The following CSMD1 variants were observed in gnomAD, a reference collection of about 807,000 sequenced individuals.
CSMD1 encodes CUB and Sushi multiple domains 1.
A neutral mutation model predicts 417.5 loss-of-function variants in CSMD1; 213 were observed. That is an observed-to-expected ratio of 0.51 (90% CI 0.46 to 0.57). The LOEUF (loss-of-function observed/expected upper bound fraction) is 0.57. Among genes scored for constraint, CSMD1 ranks in the 20% least tolerant of loss-of-function variants. The pLI is 0.00. For synonymous variants in CSMD1, 2,862 were observed against 1,736.8 expected (o/e 1.65, Z -16.11); for missense variants, 6,923 against 4,529.7 (o/e 1.53, Z -15.17).
chr8:3,008,349 T>A (rs1209050546), intron 52 of CSMD1, among the ~76,000 whole-genome samples: 1 of 152,178 alleles, frequency 6.6e-6, no homozygotes, highest in African/African-American at 2.4e-5. Context: ...ACTCACTCCA[T>A]TATCACCCGC....
chr8:3,579,081 C>A (rs940655243), intron 9 of CSMD1, among the ~76,000 whole-genome samples: 1 of 152,206 alleles, frequency 6.6e-6, no homozygotes, highest in African/African-American at 2.4e-5. Context: ...ACCTAATGTA[C>A]ACCTGATGTT....
intron 4 of CSMD1, among the ~76,000 whole-genome samples, chr8:4,016,365 C>T (rs1224232937): frequency 2.0e-5 from 3 of 152,106 alleles, no homozygotes; most frequent in African/African-American, 7.2e-5. Flanking sequence ...TCTCCTCTTG[C>T]CTGAATTGGC....
At chr8:4,165,556 C>G (rs1397824945) in intron 3 of CSMD1, among the ~76,000 whole-genome samples, 1 of 152,138 alleles carries the variant, frequency 6.6e-6, no homozygotes, top group Non-Finnish European at 1.5e-5. Context: ...GGTGCACCAC[C>G]ATGCCCAGCT....
chr8:4,087,968 G>C (rs1042575645), intron 3 of CSMD1, among the ~76,000 whole-genome samples: 2 of 152,104 alleles, frequency 1.3e-5, no homozygotes, highest in African/African-American at 2.4e-5. Flanking sequence ...GTATCCAAGA[G>C]AAAAGCTCAC....
intron 12 of CSMD1, among the ~76,000 whole-genome samples, chr8:3,467,749 T>C (rs926351577): frequency 6.6e-6 from 1 of 152,188 alleles, no homozygotes; most frequent in East Asian, 1.9e-4. Flanking sequence ...CATGGACTCA[T>C]GACAATGTCC....
At chr8:4,108,517 G>C (rs931316856) in intron 3 of CSMD1, among the ~76,000 whole-genome samples, 3 of 152,122 alleles carry the variant, frequency 2.0e-5, no homozygotes, top group Non-Finnish European at 4.4e-5. Context: ...GTTTTAATTT[G>C]ATAATTTATT....
intron 12 of CSMD1, among the ~76,000 whole-genome samples, chr8:3,462,924 G>A (rs1354561757): frequency 3.3e-5 from 5 of 152,146 alleles, no homozygotes; most frequent in African/African-American, 1.2e-4. Flanking sequence ...TGATGAGGGT[G>A]GAGCCCCTGT....
chr8:3,494,501 T>C (rs540198688), intron 10 of CSMD1, among the ~76,000 whole-genome samples: 24 of 152,076 alleles, frequency 1.6e-4, no homozygotes, highest in Non-Finnish European at 2.8e-4. Context: ...GAATGATAGA[T>C]AGATGATAGA....
At position 3,351,711 on chromosome 8, in the gene CSMD1, GAAACA is replaced by G. The variant is rs562272897; in HGVS notation, c.3305-3555_3305-3551del. Among the ~76,000 whole-genome samples the G allele has an allele frequency of 3.5e-3, 518 of 147,688 alleles. 3 individuals are homozygous for G. The highest frequency in any genetic ancestry group is 0.012 in the African/African-American group (502 of 40,588). ...AATGATATACGAATAATTGTATATA[GAAACA>G]AAAATCAAATATATATTTAATATGT... On this transcript the variant is annotated intron_variant, in intron 21 of 69. Coordinates refer to ENST00000635120, the MANE Select transcript of CSMD1 (RefSeq NM_033225.6).
intron 2 of CSMD1, among the ~76,000 whole-genome samples, chr8:4,545,014 C>A (rs1797568642): frequency 6.6e-6 from 1 of 152,182 alleles, no homozygotes; most frequent in African/African-American, 2.4e-5. Context: ...ATTTATCACG[C>A]ACGTATCTGA....
intron 7 of CSMD1, among the ~76,000 whole-genome samples, chr8:3,646,765 T>G (rs2117353441): frequency 6.6e-6 from 1 of 152,248 alleles, no homozygotes; most frequent in Admixed American, 6.5e-5. Flanking sequence ...TTTTCATGGA[T>G]AACCACCAGG....
At chr8:4,494,976 T>C (rs549746818) in intron 2 of CSMD1, among the ~76,000 whole-genome samples, 13 of 150,042 alleles carry the variant, frequency 8.7e-5, no homozygotes, top group Non-Finnish European at 1.5e-4. Flanking sequence ...GTGGAGAAAA[T>C]AAAGAAAAGA....
At chr8:3,161,643 A>C (rs1213554813) in intron 38 of CSMD1, among the ~76,000 whole-genome samples, 2 of 151,792 alleles carry the variant, frequency 1.3e-5, no homozygotes, top group African/African-American at 2.4e-5. Flanking sequence ...AAAAAAAAAA[A>C]AACCCTCTTT....
chr8:3,771,687 C>G lies in CSMD1; in HGVS notation c.819-17645G>C, dbSNP rs528025562. On this transcript the variant is annotated intron_variant, in intron 5 of 69. Coordinates refer to ENST00000635120, the MANE Select transcript of CSMD1 (RefSeq NM_033225.6). ...ACACAGGAGGAAGAGAACGGAGAGG[C>G]CCCTAAAGACCTCGAGGTAAAAGCA... Among the ~76,000 whole-genome samples, 345 of 152,234 alleles carry G rather than the reference C, an allele frequency of 2.3e-3. 4 individuals are homozygous for G. Among genetic ancestry groups the G allele is most frequent in the Non-Finnish European group, 1.8e-3 (121 of 68,010 alleles).
chr8:4,030,745 T>C (rs1797300343), intron 4 of CSMD1, among the ~76,000 whole-genome samples: 1 of 152,194 alleles, frequency 6.6e-6, no homozygotes, highest in African/African-American at 2.4e-5. Flanking sequence ...TTCTTTTCTA[T>C]CACATTGTCA....
intron 2 of CSMD1, among the ~76,000 whole-genome samples, chr8:4,427,679 C>G (rs1441776463): frequency 2.0e-5 from 3 of 152,040 alleles, no homozygotes; most frequent in African/African-American, 4.8e-5. Context: ...AAAATAGTAC[C>G]TATTACATTT....
chr8:3,388,159 T>C (rs1340569978), intron 17 of CSMD1, among the ~76,000 whole-genome samples: 1 of 152,216 alleles, frequency 6.6e-6, no homozygotes, highest in African/African-American at 2.4e-5. Flanking sequence ...ACACATATAA[T>C]GCAATTAAAA....
chr8:4,792,130 T>G (rs1161511311), intron 1 of CSMD1, among the ~76,000 whole-genome samples: 1 of 152,148 alleles, frequency 6.6e-6, no homozygotes, highest in African/African-American at 2.4e-5. Flanking sequence ...AGAATCTCTC[T>G]CCTTATTTTA....
chr8:4,855,984 G>A (rs1241155059), intron 1 of CSMD1, among the ~76,000 whole-genome samples: 1 of 151,536 alleles, frequency 6.6e-6, no homozygotes, highest in South Asian at 2.1e-4. Context: ...AAGTTGAAAT[G>A]AAGGAAAAAA....
Sources: gnomAD v4.1 joint callset for allele counts (sites outside exome capture counted in the v4.1 genomes callset) on GRCh38, gnomAD v4.1.1 for gene constraint, MANE v1.5 for transcripts, NCBI Gene and HGNC (gene_info 2026-07-23, HGNC 2026-07-21) for gene names.